JAKMIP2: variants seen among roughly 807,000 people sequenced by gnomAD.
JAKMIP2 encodes the protein janus kinase and microtubule interacting protein 2, also known as janus kinase and microtubule-interacting protein 2.
Under a neutral mutation model 115.0 loss-of-function variants are expected in JAKMIP2, and 25 were observed. The ratio of observed to expected loss-of-function variants is 0.22; its 90% CI spans 0.16 to 0.30. JAKMIP2 has a LOEUF of 0.30. Among genes scored for constraint, JAKMIP2 ranks in the 10% least tolerant of loss-of-function variants. The probability of loss-of-function intolerance (pLI) is 1.00; values close to 1 mark genes in which losing one functional copy is unlikely to be tolerated. For missense variants in JAKMIP2, 642 were observed against 957.6 expected (o/e 0.67, Z 4.35); for synonymous variants, 334 against 343.6 (o/e 0.97, Z 0.31).
intron 2 of JAKMIP2, chr5:147,661,752 A>T (rs994850650): frequency 3.3e-6 from 1 of 300,496 alleles, no homozygotes; most frequent in Non-Finnish European, 6.1e-6. Flanking sequence ...TGTTAGAAGC[A>T]CAGAATCCCT....
rs72835151 is a variant in JAKMIP2, at chr5:147,707,751, T to A, written c.-148-35797A>T. On this transcript the variant is annotated intron_variant, in intron 1 of 21. Transcript: ENST00000616793. ...ACAACAGTGGGTTTTGATACTAAAT[T>A]TACGGTGAGTCAATGACTGATATGC... 4.3e-3 allele frequency among the ~76,000 whole-genome samples: 661 copies of A among 152,224 alleles called. 4 individuals are homozygous for A. Among genetic ancestry groups the A allele is most frequent in the Non-Finnish European group, 7.6e-3 (519 of 68,024 alleles).
intron 2 of JAKMIP2, among the ~76,000 whole-genome samples, chr5:147,665,862 C>T (rs2126792752): frequency 6.6e-6 from 1 of 152,208 alleles, no homozygotes; most frequent in African/African-American, 2.4e-5. Flanking sequence ...ATTGTATCTT[C>T]CTATGATTCT....
At chr5:147,648,546 T>G (rs1287822393) in intron 4 of JAKMIP2, 72 bp from the exon 5 acceptor site, 2 of 819,180 alleles carry the variant, frequency 2.4e-6, no homozygotes, top group African/African-American at 1.7e-5. Flanking sequence ...TCACTTATTA[T>G]TCATAAAAGT....
At chr5:147,770,445 G>T (rs1276693865) in intron 1 of JAKMIP2, among the ~76,000 whole-genome samples, 1 of 152,040 alleles carries the variant, frequency 6.6e-6, no homozygotes, top group East Asian at 1.9e-4. Context: ...CCCGTTGGGT[G>T]TACAGACAGA....
intron 19 of JAKMIP2, among the ~76,000 whole-genome samples, chr5:147,615,910 G>C (rs1581293918): frequency 1.3e-5 from 2 of 152,060 alleles, no homozygotes; most frequent in Non-Finnish European, 2.9e-5. Flanking sequence ...AATAATGAAA[G>C]GTCCTGCACG....
At chr5:147,676,810 T>C (rs1404307982) in intron 1 of JAKMIP2, among the ~76,000 whole-genome samples, 1 of 152,214 alleles carries the variant, frequency 6.6e-6, no homozygotes, top group Non-Finnish European at 1.5e-5. Flanking sequence ...AATGGATCAT[T>C]AGTGAAAGAA....
chr5:147,711,126 G>T (rs758070700), intron 1 of JAKMIP2, among the ~76,000 whole-genome samples: 1 of 152,056 alleles, frequency 6.6e-6, no homozygotes, highest in South Asian at 2.1e-4. Context: ...AAAACTTTGA[G>T]AACAAGGACT....
chr5:147,645,711 G>A lies in JAKMIP2; in HGVS notation c.937-715C>T, dbSNP rs183624646. ...CTCGGCGTCTGTGACATTTTGAGCC[G>A]GATGTTTTTTTGATGTAAGGTGTCC... is the stretch of plus-strand genomic sequence containing the variant. On this transcript the variant is annotated intron_variant, in intron 5 of 21. Transcript: ENST00000616793. 7.9e-5 allele frequency among the ~76,000 whole-genome samples: 12 copies of A among 152,134 alleles called. No homozygotes were observed. In the East Asian group the frequency reaches 1.9e-3, roughly 24 times the overall value.
rs767951042 is a variant in JAKMIP2, at chr5:147,639,653, G to A, written c.1509C>T (p.Ile503=). 43 of 1,613,072 alleles carry A rather than the reference G, an allele frequency of 2.7e-5. No homozygotes were observed. Among genetic ancestry groups the A allele is most frequent in the African/African-American group, 9.4e-5 (7 of 74,842 alleles). ...ALLQEQTGGI[I]DAEREAKAQE... is the part of the protein sequence containing the mutation. ...TAACCTTGGCTTCTCGTTCAGCGTC[G>A]ATGATGCCTCCCGTCTGCTCCTGTA... Residue 503 remains isoleucine, a synonymous_variant, in exon 10 of 22, where the codon ATC becomes ATT. Coordinates refer to ENST00000616793, the MANE Select transcript of JAKMIP2 (RefSeq NM_001270941.2).
chr5:147,687,088 C>G (rs910514700), intron 1 of JAKMIP2, among the ~76,000 whole-genome samples: 1 of 152,100 alleles, frequency 6.6e-6, no homozygotes, highest in Non-Finnish European at 1.5e-5. Context: ...CATCATAGCA[C>G]TTGTAAAGAT....
intron 1 of JAKMIP2, among the ~76,000 whole-genome samples, chr5:147,703,338 G>A (rs892019379): frequency 6.6e-5 from 10 of 152,168 alleles, no homozygotes; most frequent in African/African-American, 2.2e-4. Flanking sequence ...AAGTATTTAT[G>A]TATCTAAACA....
intron 1 of JAKMIP2, among the ~76,000 whole-genome samples, chr5:147,770,023 A>T: frequency 6.6e-6 from 1 of 152,166 alleles, no homozygotes; most frequent in East Asian, 1.9e-4. Context: ...AATTCCTTTT[A>T]ATATTTTCAT....
chr5:147,726,872 G>C (rs1750333617), intron 1 of JAKMIP2, among the ~76,000 whole-genome samples: 1 of 152,186 alleles, frequency 6.6e-6, no homozygotes, highest in South Asian at 2.1e-4. Context: ...TCATGTTGTA[G>C]TTAGCCCCAA....
chr5:147,720,847 C>A lies in JAKMIP2; in HGVS notation c.-148-48893G>T, dbSNP rs1172351806. Among the ~76,000 whole-genome samples the A allele has an allele frequency of 3.3e-5, 5 of 152,332 alleles. No individual in the cohort carries two copies. In the South Asian group the frequency reaches 8.3e-4, roughly 25 times the overall value. ...ATCATCTGAAGCCTTCTTCTCTCAGCTCGTCAAAGTCATTCTCCGTCCAGC... is the reference window on the plus strand; with the variant it reads ...ATCATCTGAAGCCTTCTTCTCTCAGATCGTCAAAGTCATTCTCCGTCCAGC... On this transcript the variant is annotated intron_variant, in intron 1 of 21. Transcript: ENST00000616793.
intron 1 of JAKMIP2, among the ~76,000 whole-genome samples, chr5:147,752,635 G>A (rs539095338): frequency 2.0e-5 from 3 of 152,300 alleles, no homozygotes; most frequent in Admixed American, 2.0e-4. Context: ...GCAGCAGGAG[G>A]CTGTGCAGTT....
chr5:147,637,378 T>C (rs1453586178), intron 10 of JAKMIP2, among the ~76,000 whole-genome samples: 8 of 151,972 alleles, frequency 5.3e-5, no homozygotes, highest in South Asian at 4.1e-4. Flanking sequence ...CTTCTCTTTA[T>C]TTGAATGATT....
chr5:147,718,758 C>T (rs1247960639), intron 1 of JAKMIP2, among the ~76,000 whole-genome samples: 2 of 152,190 alleles, frequency 1.3e-5, no homozygotes, highest in Admixed American at 1.3e-4. Context: ...ATTAGTCTTG[C>T]TAGCAGTCTA....
intron 1 of JAKMIP2, among the ~76,000 whole-genome samples, chr5:147,699,017 A>G (rs544032675): frequency 7.2e-5 from 11 of 152,290 alleles, no homozygotes; most frequent in Admixed American, 3.3e-4. Flanking sequence ...TATAAGATCT[A>G]TTCACTGCCT....
At chr5:147,607,262 G>A (rs7444805) in intron 20 of JAKMIP2, among the ~76,000 whole-genome samples, 142,922 of 152,238 alleles carry the variant, frequency 0.94, 67,610 homozygotes, top group Non-Finnish European at 1. Flanking sequence ...GGTTTTCAAA[G>A]GGAATGCTTC....
Sources: gnomAD v4.1 joint callset for allele counts (sites outside exome capture counted in the v4.1 genomes callset) on GRCh38, gnomAD v4.1.1 for gene constraint, MANE v1.5 for transcripts, NCBI Gene and HGNC (gene_info 2026-07-23, HGNC 2026-07-21) for gene names.